MYT1L: variants seen among roughly 807,000 people sequenced by gnomAD.
MYT1L encodes the protein myelin transcription factor 1-like protein.
MYT1L carries 12 observed loss-of-function variants against 126.7 expected under a neutral mutation model. The observed-to-expected ratio is 0.09, with a 90% CI of 0.06 to 0.15. MYT1L has a LOEUF of 0.15. MYT1L is among the 10% of genes least tolerant of loss of function. The pLI, the probability that MYT1L is intolerant of heterozygous loss-of-function variation, is 1.00. For synonymous variants in MYT1L, 541 were observed against 604.2 expected, an observed-to-expected ratio of 0.90 and a Z score of 1.53; for missense variants, 979 against 1,585.2, an observed-to-expected ratio of 0.62 and a Z score of 6.49.
chr2:2,218,888 C>A (rs911605692), intron 2 of MYT1L, among the ~76,000 whole-genome samples: 1 of 152,144 alleles, frequency 6.6e-6, no homozygotes, highest in Non-Finnish European at 1.5e-5. Context: ...GGGTTCCCAG[C>A]ATTCCTCATG....
chr2:2,120,309 TG>T (rs2080817919), intron 3 of MYT1L, among the ~76,000 whole-genome samples: 1 of 152,076 alleles, frequency 6.6e-6, no homozygotes, highest in Non-Finnish European at 1.5e-5. Flanking sequence ...ACCTTAAAGC[TG>T]GGGATGAACG....
At chr2:1,870,502 A>T (rs2046146402) in intron 18 of MYT1L, among the ~76,000 whole-genome samples, 1 of 152,190 alleles carries the variant, frequency 6.6e-6, no homozygotes, top group South Asian at 2.1e-4. Context: ...GAGCTTGTGG[A>T]AATGGCCCAG....
intron 1 of MYT1L, among the ~76,000 whole-genome samples, chr2:2,289,595 A>G (rs1019697875): frequency 6.6e-6 from 1 of 152,214 alleles, no homozygotes; most frequent in Non-Finnish European, 1.5e-5. Context: ...TCATCCTTCC[A>G]TAAGACGGAA....
In MYT1L at chr2:1,790,609, G is replaced by A. The variant is rs937842445; in HGVS notation, c.*1258C>T. On this transcript the variant is annotated 3_prime_UTR_variant, in exon 25 of 25. Coordinates refer to ENST00000647738, the MANE Select transcript of MYT1L (RefSeq NM_001303052.2). ...TCTGCAAATGCTCTATGGTCAACTGGTCTCCACCCAAGTGTAGAACAGAAA... is the reference window on the plus strand; with the variant it reads ...TCTGCAAATGCTCTATGGTCAACTGATCTCCACCCAAGTGTAGAACAGAAA... 6.6e-6 allele frequency: 1 copy of A among 152,316 alleles called. No homozygotes were observed. The highest frequency in any genetic ancestry group is 1.5e-5 in the Non-Finnish European group (1 of 68,152). 9.4% of individuals were successfully genotyped at this position (152,316 alleles called of 1,614,324 possible). A position where few individuals can be genotyped will look rare whatever the true frequency, so the allele number is the denominator to read the frequency against.
At chr2:2,308,329 A>C (rs2095890543) in intron 1 of MYT1L, among the ~76,000 whole-genome samples, 1 of 151,596 alleles carries the variant, frequency 6.6e-6, no homozygotes, top group African/African-American at 2.4e-5. Context: ...CTCCACCTAC[A>C]CTTCACTATA....
chr2:1,949,871 G>C (rs2057586907), intron 8 of MYT1L, among the ~76,000 whole-genome samples: 3 of 152,150 alleles, frequency 2.0e-5, no homozygotes, highest in African/African-American at 7.2e-5. Flanking sequence ...TTTAGAGATG[G>C]TATTTTTCTT....
intron 3 of MYT1L, among the ~76,000 whole-genome samples, chr2:2,128,569 C>G (rs2081994872): frequency 6.6e-6 from 1 of 152,092 alleles, no homozygotes; most frequent in Non-Finnish European, 1.5e-5. Context: ...GAGTTGGTGG[C>G]AATGGGGATT....
intron 2 of MYT1L, among the ~76,000 whole-genome samples, chr2:2,279,758 T>C (rs1291747808): frequency 6.6e-6 from 1 of 152,224 alleles, no homozygotes; most frequent in Non-Finnish European, 1.5e-5. Context: ...TTTGCCATTC[T>C]ATGTTCATAA....
At chr2:1,994,567 C>T (rs1369081426) in intron 5 of MYT1L, among the ~76,000 whole-genome samples, 1 of 152,138 alleles carries the variant, frequency 6.6e-6, no homozygotes, top group African/African-American at 2.4e-5. Flanking sequence ...TGTGTGGCTA[C>T]GGTGCTAGTG....
intron 3 of MYT1L, among the ~76,000 whole-genome samples, chr2:2,172,104 G>A (rs541324655): frequency 6.6e-6 from 1 of 152,208 alleles, no homozygotes; most frequent in East Asian, 1.9e-4. Flanking sequence ...CAGAACCAAC[G>A]ACTTTACAGG....
At chr2:1,938,389 A>G (rs2056250915) in intron 9 of MYT1L, among the ~76,000 whole-genome samples, 1 of 152,248 alleles carries the variant, frequency 6.6e-6, no homozygotes, top group Non-Finnish European at 1.5e-5. Context: ...TAACTTTCTT[A>G]ACTTTAGGAT....
intron 3 of MYT1L, among the ~76,000 whole-genome samples, chr2:2,062,712 G>A (rs534098726): frequency 2.0e-5 from 3 of 152,094 alleles, no homozygotes; most frequent in African/African-American, 7.2e-5. Flanking sequence ...CAGTCTAGAT[G>A]AGAGAGAACT....
At chr2:2,250,499 T>C (rs2094616622) in intron 2 of MYT1L, among the ~76,000 whole-genome samples, 1 of 151,284 alleles carries the variant, frequency 6.6e-6, no homozygotes, top group Non-Finnish European at 1.5e-5. Flanking sequence ...AGAAGGAATG[T>C]TACCAGAGGC....
chr2:2,011,440 AC>A (rs1319073805), intron 4 of MYT1L, among the ~76,000 whole-genome samples: 1 of 151,302 alleles, frequency 6.6e-6, no homozygotes, highest in Non-Finnish European at 1.5e-5. Flanking sequence ...AAAAAAAAAA[AC>A]TGTAACTATA....
At chr2:2,327,580 A>G (rs1271125257) in intron 1 of MYT1L, among the ~76,000 whole-genome samples, 1 of 152,230 alleles carries the variant, frequency 6.6e-6, no homozygotes, top group Non-Finnish European at 1.5e-5. Context: ...AAATTTACCA[A>G]AACTGTAGAT....
chr2:2,329,185 G>A (rs1180623766), intron 1 of MYT1L, among the ~76,000 whole-genome samples: 1 of 152,048 alleles, frequency 6.6e-6, no homozygotes, highest in African/African-American at 2.4e-5. Context: ...ACAGAACAAT[G>A]GCAGCCAACT....
At chr2:2,004,766 A>ACGTTCTTTCCTGCATG (rs2062989221) in intron 4 of MYT1L, among the ~76,000 whole-genome samples, 1 of 109,512 alleles carries the variant, frequency 9.1e-6, no homozygotes, top group African/African-American at 3.7e-5. Context: ...TTTCCTGAAT[A>ACGTTCTTTCCTGCATG]CGTTCTTTCC....
chr2:2,070,094 G>A (rs539343264), intron 3 of MYT1L, among the ~76,000 whole-genome samples: 1 of 151,866 alleles, frequency 6.6e-6, no homozygotes, highest in East Asian at 2.0e-4. Context: ...TTGTCACTAA[G>A]CAAGGAAAAA....
intron 17 of MYT1L, chr2:1,886,981 T>A (rs928861202): frequency 7.4e-6 from 3 of 403,354 alleles, no homozygotes; most frequent in African/African-American, 6.2e-5. Context: ...ACATTTTTAC[T>A]TTGACAGCAT....
Sources: gnomAD v4.1 joint callset for allele counts (sites outside exome capture counted in the v4.1 genomes callset) on GRCh38, gnomAD v4.1.1 for gene constraint, MANE v1.5 for transcripts, NCBI Gene and HGNC (gene_info 2026-07-23, HGNC 2026-07-21) for gene names.